RAPGEF4: variants seen among roughly 807,000 people sequenced by gnomAD.
RAPGEF4 encodes the protein RAP guanine-nucleotide-exchange factor (GEF) 4.
A neutral mutation model predicts 147.9 loss-of-function variants in RAPGEF4; 66 were observed. The ratio of observed to expected loss-of-function variants is 0.45; its 90% CI spans 0.37 to 0.55. RAPGEF4 has a LOEUF of 0.55. RAPGEF4 is among the 20% of genes least tolerant of loss of function. The probability of loss-of-function intolerance (pLI) is 0.00; values close to 1 mark genes in which losing one functional copy is unlikely to be tolerated. For synonymous variants in RAPGEF4, 419 were observed against 442.7 expected (o/e 0.95, Z 0.67); for missense variants, 1,071 against 1,257.3 (o/e 0.85, Z 2.24).
chr2:173,025,949 C>G (rs991841529), intron 23 of RAPGEF4, among the ~76,000 whole-genome samples: 1 of 152,204 alleles, frequency 6.6e-6, no homozygotes, highest in African/African-American at 2.4e-5. Context: ...CAGACGTTGG[C>G]TTTCTAATGT....
At chr2:172,936,665 C>T (rs1256368324) in intron 6 of RAPGEF4, among the ~76,000 whole-genome samples, 1 of 151,552 alleles carries the variant, frequency 6.6e-6, no homozygotes, top group African/African-American at 2.4e-5. Context: ...CATCCCTGTC[C>T]CATTACTGGA....
intron 2 of RAPGEF4, among the ~76,000 whole-genome samples, chr2:172,796,190 G>T (rs1686342355): frequency 6.6e-6 from 1 of 152,132 alleles, no homozygotes; most frequent in Non-Finnish European, 1.5e-5. Flanking sequence ...AGACAAGAGG[G>T]CATGAGTGTT....
intron 30 of RAPGEF4, 43 bp from the exon 31 acceptor site, chr2:173,051,597 A>G (rs1232116651): frequency 1.0e-5 from 16 of 1,591,164 alleles, no homozygotes; most frequent in Non-Finnish European, 1.2e-5. Flanking sequence ...TCTTATATAC[A>G]TATATTACAC....
At chr2:172,901,159 G>GATT (rs1699021514) in intron 4 of RAPGEF4, among the ~76,000 whole-genome samples, 2 of 152,100 alleles carry the variant, frequency 1.3e-5, no homozygotes, top group Admixed American at 1.3e-4. Flanking sequence ...GAATAAAACC[G>GATT]AAATCATAAG....
intron 4 of RAPGEF4, among the ~76,000 whole-genome samples, chr2:172,886,136 G>A (rs911710986): frequency 2.6e-5 from 4 of 152,310 alleles, no homozygotes; most frequent in Admixed American, 6.5e-5. Flanking sequence ...ATCTGGAGTA[G>A]CCTATGCTTT....
At chr2:172,843,081 C>G (rs16860965) in intron 4 of RAPGEF4, among the ~76,000 whole-genome samples, 16,394 of 152,152 alleles carry the variant, frequency 0.11, 916 homozygotes, top group South Asian at 0.17. Context: ...CTAGAATGAT[C>G]TGGTTGGAGT....
chr2:173,028,145 T>C lies in RAPGEF4; in HGVS notation c.2558+886T>C, dbSNP rs74853863. Among the ~76,000 whole-genome samples the C allele has an allele frequency of 3.3e-3, 505 of 152,358 alleles. 3 individuals carry two copies. Among genetic ancestry groups the C allele is most frequent in the African/African-American group, 0.012 (487 of 41,586 alleles). On this transcript the variant is annotated intron_variant, in intron 25 of 30. Coordinates refer to ENST00000397081, the MANE Select transcript of RAPGEF4 (RefSeq NM_007023.4). ...TCAGTTTGCCAGATGCCTGGAATTA[T>C]TTGCCAACAACTTGAGGGTTCAATA...
intron 1 of RAPGEF4, among the ~76,000 whole-genome samples, chr2:172,767,559 T>C (rs1167350541): frequency 6.6e-6 from 1 of 152,218 alleles, no homozygotes; most frequent in Non-Finnish European, 1.5e-5. Flanking sequence ...GTGCTGAGAT[T>C]GAACATAGCC....
intron 4 of RAPGEF4, among the ~76,000 whole-genome samples, chr2:172,878,538 G>T (rs1217539819): frequency 6.6e-6 from 1 of 152,168 alleles, no homozygotes; most frequent in Non-Finnish European, 1.5e-5. Context: ...GTTAAAAATT[G>T]TCGGGAAGAA....
intron 4 of RAPGEF4, among the ~76,000 whole-genome samples, chr2:172,854,480 G>A (rs1278931850): frequency 1.3e-5 from 2 of 151,654 alleles, no homozygotes; most frequent in South Asian, 2.1e-4. Flanking sequence ...GTATATAAAA[G>A]GTATAAAGAA....
At chr2:173,008,983 CT>C (rs1694758455) in intron 17 of RAPGEF4, among the ~76,000 whole-genome samples, 1 of 152,196 alleles carries the variant, frequency 6.6e-6, no homozygotes, top group African/African-American at 2.4e-5. Flanking sequence ...ATTCTCAGCC[CT>C]AAAGCCTCAC....
intron 10 of RAPGEF4, among the ~76,000 whole-genome samples, chr2:172,978,057 G>A (rs770817026): frequency 6.6e-6 from 1 of 152,084 alleles, no homozygotes; most frequent in Non-Finnish European, 1.5e-5. Context: ...CTTTAGTCCC[G>A]AACAGCTGTT....
chr2:172,812,894 T>G (rs1328665721), intron 3 of RAPGEF4, among the ~76,000 whole-genome samples: 1 of 152,238 alleles, frequency 6.6e-6, no homozygotes, highest in Non-Finnish European at 1.5e-5. Flanking sequence ...TTTACTAGCA[T>G]TTAAAAATTG....
At chr2:172,844,763 G>T (rs547922977) in intron 4 of RAPGEF4, among the ~76,000 whole-genome samples, 1 of 152,242 alleles carries the variant, frequency 6.6e-6, no homozygotes, top group African/African-American at 2.4e-5. Context: ...CCTAAGGCCT[G>T]TGTTTTTGTT....
chr2:172,878,509 T>G (rs1444589294), intron 4 of RAPGEF4, among the ~76,000 whole-genome samples: 1 of 152,116 alleles, frequency 6.6e-6, no homozygotes, highest in Non-Finnish European at 1.5e-5. Context: ...TTATTCCTGT[T>G]AAAAAAACAT....
intron 23 of RAPGEF4, among the ~76,000 whole-genome samples, chr2:173,022,683 C>A (rs982960493): frequency 6.6e-6 from 1 of 152,152 alleles, no homozygotes. Context: ...ACCGCAGTTA[C>A]GCTAAAGCCA....
At chr2:172,954,424 A>G (rs998332176) in intron 6 of RAPGEF4, among the ~76,000 whole-genome samples, 8 of 152,222 alleles carry the variant, frequency 5.3e-5, no homozygotes, top group African/African-American at 1.9e-4. Context: ...TCTTTACAAG[A>G]GAAAAGCTGA....
chr2:173,029,752 G>A (rs1426695816), intron 25 of RAPGEF4, among the ~76,000 whole-genome samples: 1 of 152,162 alleles, frequency 6.6e-6, no homozygotes, highest in Non-Finnish European at 1.5e-5. Context: ...CTCCCTTAGT[G>A]CCCTCTCAAG....
intron 4 of RAPGEF4, among the ~76,000 whole-genome samples, chr2:172,902,416 C>T (rs1042493088): frequency 2.0e-5 from 3 of 152,148 alleles, no homozygotes. Context: ...GATCCTCCCA[C>T]CTCAGCCTCC....
Sources: gnomAD v4.1 joint callset for allele counts (sites outside exome capture counted in the v4.1 genomes callset) on GRCh38, gnomAD v4.1.1 for gene constraint, MANE v1.5 for transcripts, NCBI Gene and HGNC (gene_info 2026-07-23, HGNC 2026-07-21) for gene names.